DLGAP1: variants seen among roughly 807,000 people sequenced by gnomAD.
The protein encoded by DLGAP1 is disks large-associated protein 1.
Under a neutral mutation model 90.8 loss-of-function variants are expected in DLGAP1, and 11 were observed. That is an observed-to-expected ratio of 0.12 (90% CI 0.08 to 0.20). The LOEUF (loss-of-function observed/expected upper bound fraction) is 0.20, where lower values mean the gene tolerates loss of function less well. DLGAP1 is among the 10% of genes least tolerant of loss of function. The pLI, the probability that DLGAP1 is intolerant of heterozygous loss-of-function variation, is 1.00. For synonymous variants in DLGAP1, 558 were observed against 540.7 expected, an observed-to-expected ratio of 1.03 and a Z score of -0.44; for missense variants, 1,050 against 1,333.8, an observed-to-expected ratio of 0.79 and a Z score of 3.31.
chr18:4,080,468 C>T, intron 2 of DLGAP1, among the ~76,000 whole-genome samples: 1 of 151,918 alleles, frequency 6.6e-6, no homozygotes, highest in East Asian at 1.9e-4. Context: ...TCAGGAAGGG[C>T]TGGAAACATG....
chr18:3,605,203 C>T (rs1430611482), intron 7 of DLGAP1, among the ~76,000 whole-genome samples: 1 of 152,214 alleles, frequency 6.6e-6, no homozygotes, highest in Non-Finnish European at 1.5e-5. Flanking sequence ...CCTGGGTTTG[C>T]ATGTGCAATC....
chr18:3,855,148 TGGAACTAGA>T (rs1200088671), intron 4 of DLGAP1, among the ~76,000 whole-genome samples: 3 of 152,158 alleles, frequency 2.0e-5, no homozygotes, highest in Admixed American at 6.5e-5. Context: ...GCAACATGGA[TGGAACTAGA>T]GGCCATTATT....
intron 7 of DLGAP1, among the ~76,000 whole-genome samples, chr18:3,658,871 C>A (rs2059587389): frequency 6.6e-6 from 1 of 151,926 alleles, no homozygotes; most frequent in African/African-American, 2.4e-5. Flanking sequence ...AGAGTTCATG[C>A]AAGAAAACAA....
rs375668665 is a variant in DLGAP1, at chr18:3,832,822, T to G, written c.958-18549A>C. Among the ~76,000 whole-genome samples, 21 of 152,192 alleles carry G rather than the reference T, an allele frequency of 1.4e-4. No individual in the cohort carries two copies. In the East Asian group the frequency reaches 2.5e-3, roughly 18 times the overall value. ...CAAAGTAGGGGCAAGAAGGCCCTTGTGGGGGATGCAGGGGTGGAAAACGGG... is the reference window on the plus strand; with the variant it reads ...CAAAGTAGGGGCAAGAAGGCCCTTGGGGGGGATGCAGGGGTGGAAAACGGG... On this transcript the variant is annotated intron_variant, in intron 4 of 12. Coordinates refer to ENST00000315677, the MANE Select transcript of DLGAP1 (RefSeq NM_004746.4).
At chr18:3,768,465 G>A (rs2064359846) in intron 5 of DLGAP1, among the ~76,000 whole-genome samples, 2 of 152,080 alleles carry the variant, frequency 1.3e-5, no homozygotes, top group Admixed American at 6.6e-5. Flanking sequence ...AAATTTGTAT[G>A]GAAAGTCAAA....
intron 1 of DLGAP1, among the ~76,000 whole-genome samples, chr18:4,357,783 A>G (rs866238055): frequency 6.6e-6 from 1 of 152,180 alleles, no homozygotes; most frequent in South Asian, 2.1e-4. Context: ...ACTGATTAAC[A>G]AACAGGCCCC....
intron 3 of DLGAP1, among the ~76,000 whole-genome samples, chr18:3,903,064 G>A (rs986795474): frequency 2.0e-5 from 3 of 152,140 alleles, no homozygotes; most frequent in African/African-American, 7.2e-5. Flanking sequence ...TATTCCTTTA[G>A]CGCCCTGTAC....
At chr18:3,680,514 G>A (rs966311264) in intron 7 of DLGAP1, among the ~76,000 whole-genome samples, 2 of 152,162 alleles carry the variant, frequency 1.3e-5, no homozygotes, top group African/African-American at 2.4e-5. Flanking sequence ...GAGGCCGGGC[G>A]TGCTGGCTCA....
At chr18:3,799,368 T>C (rs1248347053) in intron 5 of DLGAP1, among the ~76,000 whole-genome samples, 1 of 152,130 alleles carries the variant, frequency 6.6e-6, no homozygotes, top group Non-Finnish European at 1.5e-5. Flanking sequence ...GGAGTGTGGC[T>C]AAGGCGTGCT....
intron 7 of DLGAP1, among the ~76,000 whole-genome samples, chr18:3,702,377 A>G (rs908219363): frequency 6.6e-6 from 1 of 152,238 alleles, no homozygotes; most frequent in Admixed American, 6.5e-5. Flanking sequence ...TCAATTGGAT[A>G]TGCTTCACAG....
intron 4 of DLGAP1, among the ~76,000 whole-genome samples, chr18:3,821,447 A>AC (rs2067410764): frequency 6.7e-6 from 1 of 148,876 alleles, no homozygotes; most frequent in African/African-American, 2.5e-5. Context: ...AACTAAAAAA[A>AC]AGAAGAAGAG....
At chr18:3,596,655 A>G (rs1199701633) in intron 7 of DLGAP1, 1 of 340,058 alleles carries the variant, frequency 2.9e-6, no homozygotes, top group African/African-American at 2.2e-5. Flanking sequence ...GGATGTAACC[A>G]CAGCACACGC....
chr18:3,866,764 C>T (rs1341080443), intron 4 of DLGAP1, among the ~76,000 whole-genome samples: 1 of 152,150 alleles, frequency 6.6e-6, no homozygotes, highest in East Asian at 1.9e-4. Context: ...TTAGATCCAG[C>T]CACCAGAGTG....
At chr18:4,348,400 A>ATGTGTGTGTGTGTGTGCG (rs2081340553) in intron 1 of DLGAP1, among the ~76,000 whole-genome samples, 1 of 133,488 alleles carries the variant, frequency 7.5e-6, no homozygotes, top group Non-Finnish European at 1.6e-5. Context: ...GAACTCAGGA[A>ATGTGTGTGTGTGTGTGCG]TGTGTGTGTG....
At chr18:3,938,314 A>G (rs1394472608) in intron 3 of DLGAP1, among the ~76,000 whole-genome samples, 5 of 152,200 alleles carry the variant, frequency 3.3e-5, no homozygotes, top group Admixed American at 2.6e-4. Flanking sequence ...AGATGAACAC[A>G]TAATACCAGA....
intron 7 of DLGAP1, among the ~76,000 whole-genome samples, chr18:3,688,665 ACACC>A (rs2060794220): frequency 1.9e-5 from 1 of 52,882 alleles, no homozygotes; most frequent in African/African-American, 9.9e-5. Flanking sequence ...ACACACACAC[ACACC>A]CTACCAAAAA....
intron 7 of DLGAP1, among the ~76,000 whole-genome samples, chr18:3,591,113 T>C (rs1258987800): frequency 6.6e-6 from 1 of 152,062 alleles, no homozygotes; most frequent in Non-Finnish European, 1.5e-5. Flanking sequence ...TTACCAGAGA[T>C]AGGCTGAGAA....
In DLGAP1 at chr18:3,498,413, T is replaced by C. The variant is rs2049765113; in HGVS notation, c.*772A>G. The C allele has an allele frequency of 6.6e-6, 1 of 152,256 alleles. No individual in the cohort carries two copies. Among genetic ancestry groups the C allele is most frequent in the Non-Finnish European group, 1.5e-5 (1 of 68,040 alleles). The allele number at this position is 152,256 out of a possible 1,614,324, so 9.4% of individuals were successfully genotyped here. On this transcript the variant is annotated 3_prime_UTR_variant, in exon 13 of 13. Transcript: ENST00000315677. ...GCCTCCTTTGCCTTGCTTCATGTTATTGCCTTTCAGAATAGATTAATTTCC... is the reference window on the plus strand; with the variant it reads ...GCCTCCTTTGCCTTGCTTCATGTTACTGCCTTTCAGAATAGATTAATTTCC...
At chr18:4,242,536 C>A (rs540891383) in intron 1 of DLGAP1, among the ~76,000 whole-genome samples, 2 of 152,158 alleles carry the variant, frequency 1.3e-5, no homozygotes, top group African/African-American at 4.8e-5. Context: ...TCAGAACTTT[C>A]TTTGGGAAGT....
Sources: gnomAD v4.1 joint callset for allele counts (sites outside exome capture counted in the v4.1 genomes callset) on GRCh38, gnomAD v4.1.1 for gene constraint, MANE v1.5 for transcripts, NCBI Gene and HGNC (gene_info 2026-07-23, HGNC 2026-07-21) for gene names.